Variants in UBR3 observed in about 807,000 individuals in gnomAD.
UBR3 encodes the protein E3 ubiquitin-protein ligase UBR3.
In UBR3, 85 loss-of-function variants were observed where a neutral mutation model predicts 243.2. The observed-to-expected ratio is 0.35, with a 90% CI of 0.29 to 0.42. The LOEUF is 0.42. UBR3 is among the 10% of genes least tolerant of loss of function. The probability of loss-of-function intolerance (pLI) is 1.00; values close to 1 mark genes in which losing one functional copy is unlikely to be tolerated. For synonymous variants in UBR3, 748 were observed against 799.8 expected (o/e 0.94, Z 1.09); for missense variants, 1,686 against 2,300.8 (o/e 0.73, Z 5.47).
intron 7 of UBR3, 114 bp from the exon 8 acceptor site, chr2:169,896,393 G>A: frequency 4.9e-6 from 3 of 611,358 alleles, no homozygotes; most frequent in Admixed American, 3.8e-5. Flanking sequence ...AGTTATCTTG[G>A]GCATTATTAT....
chr2:170,054,805 A>T (rs1423480321), intron 32 of UBR3, among the ~76,000 whole-genome samples: 1 of 152,136 alleles, frequency 6.6e-6, no homozygotes, highest in East Asian at 1.9e-4. Flanking sequence ...AGACTCCCAA[A>T]CGTTGTTATT....
intron 10 of UBR3, 25 bp downstream of exon 10, chr2:169,906,189 T>A (rs745711467): frequency 6.6e-7 from 1 of 1,524,510 alleles, no homozygotes; most frequent in Non-Finnish European, 8.8e-7. Context: ...TTTTTGTTAA[T>A]TTCTGTGTTT....
intron 5 of UBR3, among the ~76,000 whole-genome samples, chr2:169,885,544 C>T (rs907885618): frequency 6.6e-6 from 1 of 151,954 alleles, no homozygotes; most frequent in Non-Finnish European, 1.5e-5. Flanking sequence ...TGCCACTGCA[C>T]TCCAGCGTGG....
intron 1 of UBR3, among the ~76,000 whole-genome samples, chr2:169,842,371 G>C (rs999606964): frequency 6.6e-6 from 1 of 152,096 alleles, no homozygotes; most frequent in Admixed American, 6.6e-5. Flanking sequence ...ACAGGCCACT[G>C]GGCTCTACCA....
intron 37 of UBR3, chr2:170,080,259 A>ATGGTATGTACTT (rs2091884989): frequency 1.7e-5 from 10 of 578,116 alleles, no homozygotes; most frequent in Non-Finnish European, 3.0e-5. Flanking sequence ...TATCCCTTTA[A>ATGGTATGTACTT]TGGTATGTAC....
At chr2:169,946,703 A>G (rs950421488) in intron 21 of UBR3, among the ~76,000 whole-genome samples, 6 of 152,126 alleles carry the variant, frequency 3.9e-5, no homozygotes, top group African/African-American at 1.4e-4. Context: ...ATTAAGAAAA[A>G]TGTTTAATGC....
Position 170,001,912 on chromosome 2 carries a change from CAAAAAAAAAAAAAAAAAAAAA to C in UBR3, c.4029+508_4029+528del, listed in dbSNP as rs71006062. On this transcript the variant is annotated intron_variant, in intron 27 of 38. Coordinates refer to ENST00000272793, the MANE Select transcript of UBR3 (RefSeq NM_172070.4). ...TGGGCAACAGAGAGAGACTCCATCT[CAAAAAAAAAAAAAAAAAAAAA>C]AAAAAAAAAGAAAGAAAAATTTTTT... Among the ~76,000 whole-genome samples the C allele has an allele frequency of 4.4e-5, 3 of 67,498 alleles. No homozygotes were observed. In the South Asian group the frequency reaches 1.8e-3, roughly 40 times the overall value. The allele number at this position is 67,498 out of a possible 152,430, so 44.3% of individuals were successfully genotyped here.
intron 11 of UBR3, 23 bp from the exon 12 acceptor site, chr2:169,923,906 T>C: frequency 6.6e-7 from 1 of 1,523,992 alleles, no homozygotes; most frequent in Non-Finnish European, 8.8e-7. Flanking sequence ...CTTTGACTTG[T>C]GCATTTTGTT....
chr2:170,028,093 A>T (rs1202701724), intron 30 of UBR3, among the ~76,000 whole-genome samples: 1 of 151,984 alleles, frequency 6.6e-6, no homozygotes, highest in Admixed American at 6.6e-5. Flanking sequence ...TAAATAGGAG[A>T]TGAAACAGGG....
Position 169,827,534 on chromosome 2 carries a change from C to G in UBR3, c.27C>G (p.Val9=). 8.1e-7 allele frequency: 1 copy of G among 1,230,784 alleles called. No homozygotes were observed. Among genetic ancestry groups the G allele is most frequent in the East Asian group, 3.2e-5 (1 of 31,252 alleles). 76.2% of individuals were successfully genotyped at this position (1,230,784 alleles called of 1,614,324 possible). A position where few individuals can be genotyped will look rare whatever the true frequency, so the allele number is the denominator to read the frequency against. Residue 9 remains valine, a synonymous_variant, in exon 1 of 39, where the codon GTC becomes GTG. Coordinates refer to ENST00000272793, the MANE Select transcript of UBR3 (RefSeq NM_172070.4). ...TGGCGGCGGCGGCCGCGGCGGCCGT[C>G]GGGGGCCAGCAGCCGTCACAGCCCG... MAAAAAAA[V]GGQQPSQPEL...
chr2:169,999,239 C>T (rs189332282), intron 26 of UBR3, among the ~76,000 whole-genome samples: 2 of 152,298 alleles, frequency 1.3e-5, no homozygotes, highest in Non-Finnish European at 2.9e-5. Flanking sequence ...CCAAAATCTG[C>T]TTCTATTTCA....
At position 169,943,958 on chromosome 2, in the gene UBR3, T is replaced by C. The variant is rs375760236; in HGVS notation, c.2805+1324T>C. On this transcript the variant is annotated intron_variant, in intron 20 of 38. Coordinates refer to ENST00000272793, the MANE Select transcript of UBR3 (RefSeq NM_172070.4). ...TGACCAATTTTTCAGTGTACTTGTT[T>C]CTAAAGTTTTCCTGTTACGATTTTG... Among the ~76,000 whole-genome samples the C allele has an allele frequency of 2.3e-3, 355 of 152,304 alleles. 1 individual carries two copies. The highest frequency in any genetic ancestry group is 3.9e-3 in the Non-Finnish European group (266 of 68,010).
intron 17 of UBR3, 56 bp downstream of exon 17, chr2:169,927,461 T>C: frequency 7.8e-7 from 1 of 1,277,484 alleles, no homozygotes; most frequent in Non-Finnish European, 1.1e-6. Flanking sequence ...TAAGTATTTT[T>C]TATGATTAAT....
intron 22 of UBR3, chr2:169,947,921 A>C: frequency 1.0e-6 from 1 of 985,252 alleles, no homozygotes; most frequent in Non-Finnish European, 1.2e-6. Flanking sequence ...CGACGGCCTA[A>C]AGTTCTTCAA....
intron 4 of UBR3, 82 bp downstream of exon 4, chr2:169,877,719 GAAA>G: frequency 7.4e-7 from 1 of 1,355,730 alleles, no homozygotes; most frequent in Non-Finnish European, 9.9e-7. Flanking sequence ...ACTCATTATT[GAAA>G]AAAATTATTT....
At chr2:169,842,462 C>G (rs1321203080) in intron 1 of UBR3, among the ~76,000 whole-genome samples, 1 of 151,722 alleles carries the variant, frequency 6.6e-6, no homozygotes, top group African/African-American at 2.4e-5. Flanking sequence ...CTCGGGTCCC[C>G]TTCCACACTG....
intron 31 of UBR3, among the ~76,000 whole-genome samples, chr2:170,038,649 T>C (rs531423517): frequency 6.6e-6 from 1 of 152,286 alleles, no homozygotes. Context: ...TGAGAGAAGA[T>C]GGCTTTGGGA....
At chr2:169,990,465 A>G (rs559441780) in intron 25 of UBR3, among the ~76,000 whole-genome samples, 1 of 152,258 alleles carries the variant, frequency 6.6e-6, no homozygotes, top group African/African-American at 2.4e-5. Context: ...GTTAGTTTTC[A>G]TAGCACTTCA....
intron 8 of UBR3, among the ~76,000 whole-genome samples, chr2:169,902,521 A>G (rs1181797220): frequency 1.4e-5 from 2 of 143,202 alleles, no homozygotes; most frequent in African/African-American, 4.9e-5. Context: ...GTATAGCACC[A>G]TCTGCTCCAC....
Sources: gnomAD v4.1 joint callset for allele counts (sites outside exome capture counted in the v4.1 genomes callset) on GRCh38, gnomAD v4.1.1 for gene constraint, MANE v1.5 for transcripts, NCBI Gene and HGNC (gene_info 2026-07-23, HGNC 2026-07-21) for gene names.